MAD1L1: variants seen among roughly 807,000 people sequenced by gnomAD.
MAD1L1 encodes mitotic arrest deficient 1 like 1.
In MAD1L1, 95 loss-of-function variants were observed where a neutral mutation model predicts 96.9. That is an observed-to-expected ratio of 0.98 (90% CI 0.83 to 1.16). The LOEUF (loss-of-function observed/expected upper bound fraction) is 1.16. Ranked by LOEUF, MAD1L1 falls within the 50% of genes most tolerant of loss-of-function variation. The pLI is 0.00. For synonymous variants in MAD1L1, 473 were observed against 396.6 expected, an observed-to-expected ratio of 1.19 and a Z score of -2.29; for missense variants, 1,007 against 954.4, an observed-to-expected ratio of 1.06 and a Z score of -0.73.
At chr7:1,938,926 C>CAT (rs1778779855) in intron 16 of MAD1L1, among the ~76,000 whole-genome samples, 1 of 138,890 alleles carries the variant, frequency 7.2e-6, no homozygotes, top group Non-Finnish European at 1.5e-5. Flanking sequence ...CACACACACA[C>CAT]ACATACAGGC....
chr7:1,936,654 G>A lies in MAD1L1; in HGVS notation c.1807+33C>T, dbSNP rs745850120. ...GATGGACCTACCCACGGAAGGTCGAGGATGGCAGGGACCGGGGGTGGGGGG... is the reference window on the plus strand; with the variant it reads ...GATGGACCTACCCACGGAAGGTCGAAGATGGCAGGGACCGGGGGTGGGGGG... On this transcript the variant is annotated intron_variant, in intron 17 of 18. Transcript: ENST00000265854. The A allele has an allele frequency of 1.7e-5, 26 of 1,538,964 alleles. No individual in the cohort carries two copies. The South Asian group carries it at 1.8e-4, about 11-fold the overall frequency.
rs574022809 is a variant in MAD1L1, at chr7:2,114,928, G to A, written c.1073+34224C>T. Among the ~76,000 whole-genome samples the A allele has an allele frequency of 3.9e-5, 6 of 152,316 alleles. No individual in the cohort carries two copies. The highest frequency in any genetic ancestry group is 1.4e-4 in the African/African-American group (6 of 41,564). Reference sequence around the variant, plus strand: ...GGGCCTCGAAGCCCCGCCTTCCGGTGAGCACCGCTGCAGCAGCAGGGAACC... The same window carrying A: ...GGGCCTCGAAGCCCCGCCTTCCGGTAAGCACCGCTGCAGCAGCAGGGAACC... On this transcript the variant is annotated intron_variant, in intron 11 of 18. Transcript: ENST00000265854. This position sits in a 1 kb window ranked among gnomAD's most constrained non-coding sequence, Gnocchi z 4.2.
chr7:1,981,734 T>A (rs1780915883), intron 14 of MAD1L1, among the ~76,000 whole-genome samples: 1 of 151,958 alleles, frequency 6.6e-6, no homozygotes, highest in South Asian at 2.1e-4. Flanking sequence ...CAGGGTGGAA[T>A]GATGTGAGGG....
intron 11 of MAD1L1, among the ~76,000 whole-genome samples, chr7:2,106,809 G>A (rs899329115): frequency 7.9e-5 from 12 of 152,180 alleles, no homozygotes; most frequent in African/African-American, 1.4e-4. Flanking sequence ...TGCTGCAGCC[G>A]GCTCTCTCAG....
At chr7:1,886,211 C>G (rs1019400078) in intron 18 of MAD1L1, among the ~76,000 whole-genome samples, 2 of 152,236 alleles carry the variant, frequency 1.3e-5, no homozygotes, top group Admixed American at 1.3e-4. Flanking sequence ...GTCTAAGGGG[C>G]TTGTCCTCTG....
At chr7:1,855,459 C>T (rs989091490) in intron 18 of MAD1L1, among the ~76,000 whole-genome samples, 1 of 152,048 alleles carries the variant, frequency 6.6e-6, no homozygotes, top group Non-Finnish European at 1.5e-5. Flanking sequence ...AAAGGCTGCA[C>T]CTCAACGCCT....
At chr7:1,848,586 C>T (rs971406928) in intron 18 of MAD1L1, 2 of 153,232 alleles carry the variant, frequency 1.3e-5, no homozygotes, top group African/African-American at 4.8e-5. Flanking sequence ...CATGGGAAGG[C>T]TGTGTGAGCC....
intron 12 of MAD1L1, among the ~76,000 whole-genome samples, chr7:2,043,510 T>G (rs1211204740): frequency 6.6e-6 from 1 of 152,250 alleles, no homozygotes; most frequent in Non-Finnish European, 1.5e-5. Context: ...GCACATCCTG[T>G]GGGCTGGAGG....
At chr7:2,111,188 C>A (rs988498297) in intron 11 of MAD1L1, among the ~76,000 whole-genome samples, 4 of 152,188 alleles carry the variant, frequency 2.6e-5, no homozygotes, top group Admixed American at 6.5e-5. Context: ...CTGTGCCCGC[C>A]CCTCGCTCCC....
chr7:2,106,663 C>A (rs987852129), intron 11 of MAD1L1, among the ~76,000 whole-genome samples: 14 of 152,382 alleles, frequency 9.2e-5, no homozygotes, highest in African/African-American at 3.4e-4. Context: ...CTCGGCCCAT[C>A]CCGCAAAAGA....
intron 9 of MAD1L1, among the ~76,000 whole-genome samples, chr7:2,213,781 G>C (rs1402897514): frequency 6.6e-6 from 1 of 152,246 alleles, no homozygotes; most frequent in Non-Finnish European, 1.5e-5. Flanking sequence ...TGGAGCATGA[G>C]GGAGGGTGAG....
chr7:1,870,322 GCCTGCCACGGTGAACCT>G (rs1784989778), intron 18 of MAD1L1, among the ~76,000 whole-genome samples: 1 of 141,686 alleles, frequency 7.1e-6, no homozygotes, highest in Admixed American at 7.2e-5. Context: ...CCTAACATAC[GCCTGCCACGGTGAACCT>G]ACCGTAACAC....
intron 18 of MAD1L1, among the ~76,000 whole-genome samples, chr7:1,818,447 G>A (rs1781943715): frequency 6.6e-6 from 1 of 152,134 alleles, no homozygotes; most frequent in Non-Finnish European, 1.5e-5. Flanking sequence ...GCAGTGGCAT[G>A]ATAACGGGTC....
rs575183997 is a variant in MAD1L1, at chr7:2,096,429, G to A, written c.1074-27091C>T. Among the ~76,000 whole-genome samples the A allele has an allele frequency of 4.6e-5, 7 of 152,272 alleles. No homozygotes were observed. The South Asian group carries it at 8.3e-4, about 18-fold the overall frequency. The stretch of plus-strand genomic sequence containing the variant: ...CCTGGCCGAACCTCAGTGCGGACTC[G>A]GCTTTCACTCTCAAAAGCCAGGTCT... On this transcript the variant is annotated intron_variant, in intron 11 of 18. Coordinates refer to ENST00000265854, the MANE Select transcript of MAD1L1 (RefSeq NM_001013836.2).
chr7:1,845,122 T>C (rs1783523571), intron 18 of MAD1L1, among the ~76,000 whole-genome samples: 1 of 152,194 alleles, frequency 6.6e-6, no homozygotes, highest in East Asian at 1.9e-4. Flanking sequence ...TCCTCTTCCC[T>C]CCTAGCAATG....
chr7:1,950,965 G>A (rs1779467531), intron 16 of MAD1L1, among the ~76,000 whole-genome samples: 1 of 152,272 alleles, frequency 6.6e-6, no homozygotes, highest in African/African-American at 2.4e-5. Flanking sequence ...ACCCACCCTG[G>A]GCACGAAGCC....
At chr7:1,888,365 C>G (rs4552798) in intron 18 of MAD1L1, among the ~76,000 whole-genome samples, 1 of 146,320 alleles carries the variant, frequency 6.8e-6, no homozygotes, top group East Asian at 2.1e-4. Context: ...TGCATGCATG[C>G]GTGTATGTGG....
chr7:2,046,245 T>A (rs1783914834), intron 12 of MAD1L1, among the ~76,000 whole-genome samples: 2 of 152,156 alleles, frequency 1.3e-5, no homozygotes, highest in African/African-American at 4.8e-5. Context: ...GCACCCTATG[T>A]CCCTGTCCTC....
intron 18 of MAD1L1, among the ~76,000 whole-genome samples, chr7:1,867,359 T>C (rs961141400): frequency 1.3e-5 from 2 of 151,974 alleles, no homozygotes; most frequent in South Asian, 4.2e-4. Flanking sequence ...CCGGAAGATG[T>C]AGAGGAGAGA....
Sources: gnomAD v4.1 joint callset for allele counts (sites outside exome capture counted in the v4.1 genomes callset) on GRCh38, gnomAD v4.1.1 for gene constraint, Gnocchi (gnomAD v3.1) non-coding constraint, MANE v1.5 for transcripts, NCBI Gene and HGNC (gene_info 2026-07-23, HGNC 2026-07-21) for gene names.